The following RGS14 variants were observed in gnomAD, a reference collection of about 807,000 sequenced individuals.
The protein encoded by RGS14 is regulator of G-protein signaling 14.
In RGS14, 33 loss-of-function variants were observed where a neutral mutation model predicts 63.8. The ratio of observed to expected loss-of-function variants is 0.52; its 90% confidence interval spans 0.39 to 0.69. The LOEUF is 0.69. Ranked by LOEUF, RGS14 falls within the 30% of genes least tolerant of loss-of-function variation. The pLI, the probability that RGS14 is intolerant of heterozygous loss-of-function variation, is 0.00. For missense variants in RGS14, 739 were observed against 742.9 expected, an observed-to-expected ratio of 0.99 and a Z score of 0.06; for synonymous variants, 296 against 320.9, an observed-to-expected ratio of 0.92 and a Z score of 0.83.
intron 8 of RGS14, 104 bp downstream of exon 8, chr5:177,368,370 C>A: frequency 1.6e-6 from 2 of 1,246,502 alleles, no homozygotes; most frequent in South Asian, 1.5e-5. Flanking sequence ...CTTACTGCGT[C>A]TCCCAGCTTG....
chr5:177,369,881 G>A (rs966105691), intron 9 of RGS14, among the ~76,000 whole-genome samples: 1 of 152,204 alleles, frequency 6.6e-6, no homozygotes, highest in Non-Finnish European at 1.5e-5. Context: ...CACTCCACCT[G>A]CTCCTGCAGC....
intron 1 of RGS14, among the ~76,000 whole-genome samples, chr5:177,365,214 C>A (rs888527199): frequency 6.6e-6 from 1 of 152,124 alleles, no homozygotes; most frequent in Non-Finnish European, 1.5e-5. Flanking sequence ...TTTATTGAGA[C>A]GGAGCTTTGC....
At position 177,367,746 on chromosome 5, in the gene RGS14, G is replaced by T. The variant is rs770834079; in HGVS notation, c.660G>T (p.Pro220=). ...AGCTGAAGCCCGGGAAGTCGCTGCC[G>T]CTGGGTGTGGAGGAGTTGGGGCAGC... is the stretch of plus-strand genomic sequence containing the variant. ...KPKLKPGKSL[P]LGVEELGQLP... Residue 220 remains proline (P), a synonymous_variant, in exon 7 of 15, where the codon CCG becomes CCT. Transcript: ENST00000408923. The T allele has an allele frequency of 1.2e-6, 2 of 1,612,976 alleles. No homozygotes were observed. The highest frequency in any genetic ancestry group is 1.3e-5 in the African/African-American group (1 of 74,934).
Position 177,372,093 on chromosome 5 carries a change from A to G in RGS14, c.*18A>G, listed in dbSNP as rs1391169323. ...CCCTCTGACAGCTACCCAACAGTCC[A>G]GGACAGCTGCATGGCACCCGGCGGG... is the stretch of plus-strand genomic sequence containing the variant. On this transcript the variant is annotated 3_prime_UTR_variant, in exon 15 of 15. Transcript: ENST00000408923. The G allele has an allele frequency of 6.2e-7, 1 of 1,607,368 alleles. No individual in the cohort carries two copies. Among genetic ancestry groups the G allele is most frequent in the Admixed American group, 1.7e-5 (1 of 59,770 alleles).
At chr5:177,368,371 TC>T in intron 8 of RGS14, 105 bp downstream of exon 8, 1 of 1,241,374 alleles carries the variant, frequency 8.1e-7, no homozygotes, top group Non-Finnish European at 1.1e-6. Context: ...TTACTGCGTC[TC>T]CCAGCTTGCT....
intron 1 of RGS14, among the ~76,000 whole-genome samples, chr5:177,362,558 C>G (rs932070173): frequency 1.3e-5 from 2 of 152,202 alleles, no homozygotes; most frequent in East Asian, 3.9e-4. Context: ...GGGCAGAGAT[C>G]GGGGAGCAAT....
chr5:177,372,264 T>G lies in RGS14; in HGVS notation c.*189T>G. On this transcript the variant is annotated 3_prime_UTR_variant, in exon 15 of 15. Transcript: ENST00000408923. Reference sequence around the variant, plus strand: ...GACACACCCCACAGCTGCCACCGCCTTGTCCCTCAACAAGCTCACCCCCAA... The same window carrying G: ...GACACACCCCACAGCTGCCACCGCCGTGTCCCTCAACAAGCTCACCCCCAA... The G allele has an allele frequency of 1.7e-6, 1 of 605,206 alleles. No individual in the cohort carries two copies. The highest frequency in any genetic ancestry group is 2.8e-5 in the East Asian group (1 of 35,162). The allele number at this position is 605,206 out of a possible 1,614,324, so 37.5% of individuals were successfully genotyped here.
intron 8 of RGS14, 86 bp from the exon 9 acceptor site, chr5:177,368,631 C>CCCAGCAAGCTTA: frequency 4.3e-6 from 6 of 1,383,352 alleles, no homozygotes; most frequent in Non-Finnish European, 6.1e-6. Context: ...ATGCTTGAGC[C>CCCAGCAAGCTTA]CCAGCAAGCT....
chr5:177,368,141 G>T lies in RGS14; in HGVS notation c.740-16G>T. On this transcript the variant is annotated splice_polypyrimidine_tract_variant and intron_variant, in intron 7 of 14. Transcript: ENST00000408923. ...GGGCGGGGGGCTGTTCGCGTTCATC[G>T]CTCCCTCTTCACTAGAGCTGGGCGG... is the stretch of plus-strand genomic sequence containing the variant. 6.2e-7 allele frequency: 1 copy of T among 1,609,510 alleles called. No homozygotes were observed. The highest frequency in any genetic ancestry group is 8.5e-7 in the Non-Finnish European group (1 of 1,178,286).
At chr5:177,363,838 T>G in intron 1 of RGS14, among the ~76,000 whole-genome samples, 1 of 152,174 alleles carries the variant, frequency 6.6e-6, no homozygotes, top group East Asian at 1.9e-4. Context: ...ACAAGTAACA[T>G]AAATGCATTA....
Position 177,364,201 on chromosome 5 carries a change from T to G in RGS14, c.46-1762T>G, listed in dbSNP as rs1471509656. Among the ~76,000 whole-genome samples, 1 of 150,308 alleles carries G rather than the reference T, an allele frequency of 6.7e-6. No individual in the cohort carries two copies. Among genetic ancestry groups the G allele is most frequent in the African/African-American group, 2.5e-5 (1 of 40,726 alleles). ...GTGGGGGTTGGGGGGCTTTCCGGGG[T>G]GGAGATGTTTGCAGGCCTGTTTCCA... On this transcript the variant is annotated intron_variant, in intron 1 of 14. Transcript: ENST00000408923. The surrounding 1 kb of genome is among the most constrained non-coding windows in gnomAD (Gnocchi z 4.6).
Position 177,372,326 on chromosome 5 carries a change from C to T in RGS14, c.*251C>T, listed in dbSNP as rs1458478487. 4 of 501,204 alleles carry T rather than the reference C, an allele frequency of 8.0e-6. No homozygotes were observed. Among genetic ancestry groups the T allele is most frequent in the Middle Eastern group, 5.2e-4 (1 of 1,912 alleles). The allele number at this position is 501,204 out of a possible 1,614,324, so 31.0% of individuals were successfully genotyped here. A position where few individuals can be genotyped will look rare whatever the true frequency, so the allele number is the denominator to read the frequency against. On this transcript the variant is annotated 3_prime_UTR_variant, in exon 15 of 15. Transcript: ENST00000408923. ...CAGGCCACAATGGGGGAGGTGAGTC[C>T]AGCCCCTTGGAACAGGCTTGCCCAA... is the stretch of plus-strand genomic sequence containing the variant.
chr5:177,367,439 G>A lies in RGS14; in HGVS notation c.509G>A (p.Ser170Asn), dbSNP rs1257236532. Residue 170 changes from serine (S) to asparagine (N), a missense_variant, in exon 6 of 15, where the codon AGC (serine) becomes AAC (asparagine). By Grantham distance (46) the Ser-to-Asn change is conservative. Transcript: ENST00000408923. ...ATCTTCAACTTGATGAAGTTCGACA[G>A]CTATGCGCGCTTCGTCAAGTCCCCG... Reference protein sequence around the residue: ...LQIFNLMKFDSYARFVKSPLY... With the variant: ...LQIFNLMKFDNYARFVKSPLY... 6.2e-7 allele frequency: 1 copy of A among 1,610,902 alleles called. No homozygotes were observed. Among genetic ancestry groups the A allele is most frequent in the Non-Finnish European group, 8.5e-7 (1 of 1,178,506 alleles).
At position 177,370,588 on chromosome 5, in the gene RGS14, A is replaced by G. The variant is rs919746642; in HGVS notation, c.1054-3A>G. ...CTTAGACCCTGCCTGGCATCCACAG[A>G]AGGCCCTGGTCCTGGATCAGGACTG... On this transcript the variant is annotated splice_polypyrimidine_tract_variant and splice_region_variant and intron_variant, in intron 9 of 14. Coordinates refer to ENST00000408923, the MANE Select transcript of RGS14 (RefSeq NM_006480.5). 2 of 1,613,890 alleles carry G rather than the reference A, an allele frequency of 1.2e-6. No homozygotes were observed. Among genetic ancestry groups the G allele is most frequent in the East Asian group, 4.5e-5 (2 of 44,878 alleles).
chr5:177,371,841 G>A lies in RGS14; in HGVS notation c.1499-32G>A. 6.3e-7 allele frequency: 1 copy of A among 1,597,196 alleles called. No homozygotes were observed. Among genetic ancestry groups the A allele is most frequent in the Non-Finnish European group, 8.5e-7 (1 of 1,170,128 alleles). On this transcript the variant is annotated intron_variant, in intron 14 of 14. Coordinates refer to ENST00000408923, the MANE Select transcript of RGS14 (RefSeq NM_006480.5). This position sits in a 1 kb window ranked among gnomAD's most constrained non-coding sequence, Gnocchi z 6.1. ...GGGCTGGCATATAGGCAGGTCTGCT[G>A]GGGGGACCCTCATGCTGTGGCTTGC...
intron 1 of RGS14, 87 bp from the exon 2 acceptor site, chr5:177,365,876 G>T: frequency 7.1e-7 from 1 of 1,399,032 alleles, no homozygotes; most frequent in Non-Finnish European, 1.0e-6. Context: ...GGAGAACGCA[G>T]TTCCAGCTCC....
In RGS14 at chr5:177,367,022, AC is replaced by A; in HGVS notation, c.472del (p.Gln158SerfsTer8). ...AGCCCCGGCCGGACATGTTTCGGGC[AC>A]AGCAGCTTCAGGTGGGCGATCCTGG... ...AEPRPDMFRAQQLQIFNLMKF... is the reference protein window; with the variant it reads ...AEPRPDMFRAXQLQIFNLMKF... On this transcript the variant is annotated frameshift_variant, in exon 5 of 15. Transcript: ENST00000408923. LOFTEE classifies it high-confidence loss of function. 6.2e-7 allele frequency: 1 copy of A among 1,610,414 alleles called. No individual in the cohort carries two copies.
At position 177,358,155 on chromosome 5, in the gene RGS14, G is replaced by A; in HGVS notation, c.45+86G>A. 8.7e-7 allele frequency: 1 copy of A among 1,143,510 alleles called. No homozygotes were observed. The highest frequency in any genetic ancestry group is 3.0e-5 in the South Asian group (1 of 33,324). The allele number at this position is 1,143,510 out of a possible 1,614,324, so 70.8% of individuals were successfully genotyped here. A position where few individuals can be genotyped will look rare whatever the true frequency, so the allele number is the denominator to read the frequency against. On this transcript the variant is annotated intron_variant, in intron 1 of 14. Transcript: ENST00000408923. The surrounding 1 kb of genome is among the most constrained non-coding windows in gnomAD (Gnocchi z 4.8). ...CAGGAGGCACACCCGGCAGGGCCAG[G>A]CAAGAGCCCACGGGCTGCCAGCAGG...
chr5:177,358,519 G>T lies in RGS14; in HGVS notation c.45+450G>T, dbSNP rs1296573773. ...GCTCTTGCTGGGTCGGTGTCCTCCA[G>T]CCGGAGCTACTCCAGAGGCTTCCTG... On this transcript the variant is annotated intron_variant, in intron 1 of 14. Coordinates refer to ENST00000408923, the MANE Select transcript of RGS14 (RefSeq NM_006480.5). The surrounding 1 kb of genome is among the most constrained non-coding windows in gnomAD (Gnocchi z 4.8). 2.0e-5 allele frequency among the ~76,000 whole-genome samples: 3 copies of T among 152,310 alleles called. 1 individual carries two copies. The highest frequency in any genetic ancestry group is 1.3e-4 in the Admixed American group (2 of 15,310).
Sources: allele counts gnomAD v4.1 joint callset (sites outside exome capture counted in the v4.1 genomes callset), GRCh38; gene constraint gnomAD v4.1.1; non-coding constraint Gnocchi (gnomAD v3.1); transcripts MANE v1.5; gene names NCBI Gene and HGNC (gene_info 2026-07-23, HGNC 2026-07-21).